NFYB: variants seen among roughly 807,000 people sequenced by gnomAD.
NFYB encodes the protein CAAT box DNA-binding protein subunit B.
NFYB carries 13 observed loss-of-function variants against 28.0 expected under a neutral mutation model. The ratio of observed to expected loss-of-function variants is 0.46; its 90% CI spans 0.30 to 0.74. The LOEUF (loss-of-function observed/expected upper bound fraction) is 0.74. NFYB is among the 30% of genes least tolerant of loss of function. NFYB has a pLI of 0.07. For missense variants in NFYB, 142 were observed against 247.6 expected, an observed-to-expected ratio of 0.57 and a Z score of 2.86; for synonymous variants, 74 against 75.0, an observed-to-expected ratio of 0.99 and a Z score of 0.07.
At chr12:104,132,360 A>G (rs564986718) in intron 2 of NFYB, among the ~76,000 whole-genome samples, 2 of 152,274 alleles carry the variant, frequency 1.3e-5, no homozygotes, top group South Asian at 4.1e-4. Flanking sequence ...TCCGGTGGAC[A>G]AGAGGAAATC....
At position 104,121,229 on chromosome 12, in the gene NFYB, A is replaced by T; in HGVS notation, c.511+11T>A. Reference sequence around the variant, plus strand: ...AACAATCTACATGACTTGTATTATAACAATGCTTACTAAATGCCTCCTCTG... The same window carrying T: ...AACAATCTACATGACTTGTATTATATCAATGCTTACTAAATGCCTCCTCTG... On this transcript the variant is annotated intron_variant, in intron 6 of 7. Transcript: ENST00000240055. The T allele has an allele frequency of 2.5e-6, 4 of 1,601,328 alleles. No individual in the cohort carries two copies. The highest frequency in any genetic ancestry group is 3.4e-6 in the Non-Finnish European group (4 of 1,170,226).
At chr12:104,123,161 G>A (rs1223925252) in intron 5 of NFYB, 65 bp downstream of exon 5, 2 of 1,260,002 alleles carry the variant, frequency 1.6e-6, no homozygotes, top group Non-Finnish European at 2.2e-6. Flanking sequence ...GGGCAACAGA[G>A]CGATACTCCA....
At position 104,126,212 on chromosome 12, in the gene NFYB, T is replaced by C; in HGVS notation, c.133A>G (p.Thr45Ala). ...CTGAAACTTTCTTTTGAACCATTTG[T>C]GTCTTCATGATCATTCATGCTGTCC... Reference protein sequence around the residue: ...TEDSMNDHEDTNGSKESFREQ... With the variant: ...TEDSMNDHEDANGSKESFREQ... The change falls in exon 4 of 8, where the codon ACA (threonine) becomes GCA (alanine). Residue 45 changes from threonine to alanine, a missense_variant. By Grantham distance (58) the Thr-to-Ala change is moderately conservative. This residue lies in a region of NFYB where 54 missense variants were observed against 58.1 expected (regional missense o/e 0.93). Coordinates refer to ENST00000240055, the MANE Select transcript of NFYB (RefSeq NM_006166.4). 6.2e-7 allele frequency: 1 copy of C among 1,604,462 alleles called. No homozygotes were observed. The highest frequency in any genetic ancestry group is 8.5e-7 in the Non-Finnish European group (1 of 1,175,834).
intron 2 of NFYB, among the ~76,000 whole-genome samples, chr12:104,129,451 C>T (rs1343640067): frequency 6.6e-6 from 1 of 152,140 alleles, no homozygotes; most frequent in Non-Finnish European, 1.5e-5. Context: ...ACAATGTCTC[C>T]GTTCAAACTG....
At chr12:104,127,558 A>T (rs1401327690) in intron 3 of NFYB, among the ~76,000 whole-genome samples, 4 of 149,584 alleles carry the variant, frequency 2.7e-5, no homozygotes, top group Non-Finnish European at 5.9e-5. Flanking sequence ...ACAGAGCAAG[A>T]CTCCATCTCA....
intron 5 of NFYB, among the ~76,000 whole-genome samples, chr12:104,122,292 C>T (rs1282770399): frequency 6.6e-6 from 1 of 152,146 alleles, no homozygotes; most frequent in Non-Finnish European, 1.5e-5. Context: ...GGGATTCAGC[C>T]TCCTGGTAGT....
chr12:104,127,960 T>C (rs1325518581), intron 3 of NFYB, among the ~76,000 whole-genome samples: 3 of 152,088 alleles, frequency 2.0e-5, no homozygotes, highest in Non-Finnish European at 2.9e-5. Flanking sequence ...GCTGGGATTA[T>C]AGGTGTGAGC....
At position 104,121,149 on chromosome 12, in the gene NFYB, TACTC is replaced by T. The variant is rs1160074466; in HGVS notation, c.511+87_511+90del. 11 of 1,002,664 alleles carry T rather than the reference TACTC, an allele frequency of 1.1e-5. No individual in the cohort carries two copies. The East Asian group carries it at 1.7e-4, about 15-fold the overall frequency. The allele number at this position is 1,002,664 out of a possible 1,614,324, so 62.1% of individuals were successfully genotyped here. On this transcript the variant is annotated intron_variant, in intron 6 of 7. Transcript: ENST00000240055. ...TATTTAAAATAGTGCTTTGTCAAAATACTCACTGCTGACATTCCAAAAATACCAT... is the reference window on the plus strand; with the variant it reads ...TATTTAAAATAGTGCTTTGTCAAAATACTGCTGACATTCCAAAAATACCAT...
At position 104,135,432 on chromosome 12, in the gene NFYB, G is replaced by T; in HGVS notation, c.6+16C>A. 1 of 1,582,590 alleles carries T rather than the reference G, an allele frequency of 6.3e-7. No individual in the cohort carries two copies. The highest frequency in any genetic ancestry group is 1.2e-5 in the South Asian group (1 of 85,264). ...TTCAAATCTAATTAACAACCAAAAT[G>T]GTAAAATATACTTACTGTCATGAAA... On this transcript the variant is annotated intron_variant, in intron 2 of 7. Transcript: ENST00000240055.
intron 5 of NFYB, among the ~76,000 whole-genome samples, chr12:104,121,965 T>G (rs1022769430): frequency 7.2e-5 from 11 of 152,238 alleles, no homozygotes; most frequent in Non-Finnish European, 1.5e-4. Context: ...TGAACTCAAC[T>G]GCTTTTCACA....
At chr12:104,126,945 G>C (rs1238681328) in intron 3 of NFYB, among the ~76,000 whole-genome samples, 1 of 152,296 alleles carries the variant, frequency 6.6e-6, no homozygotes, top group Admixed American at 6.5e-5. Context: ...GATCCAGTTG[G>C]CTTACTAATG....
In NFYB at chr12:104,137,510, C is replaced by G. The variant is rs529119428; in HGVS notation, c.-80+631G>C. The G allele has an allele frequency of 1.7e-3, 259 of 152,276 alleles. 3 individuals are homozygous for G. The highest frequency in any genetic ancestry group is 6.4e-3 in the South Asian group (31 of 4,866). 9.4% of individuals were successfully genotyped at this position (152,276 alleles called of 1,614,324 possible). A position where few individuals can be genotyped will look rare whatever the true frequency, so the allele number is the denominator to read the frequency against. On this transcript the variant is annotated intron_variant, in intron 1 of 7. Transcript: ENST00000240055. The stretch of plus-strand genomic sequence containing the variant: ...GGTGGCCCCGGCCCCACGGCCTGGT[C>G]CCGGCGACCTGTCAGCCCTGCGAGT...
chr12:104,117,587 GTAGAGACGGGGGGTTC>G lies in NFYB; in HGVS notation c.*2134_*2149del, dbSNP rs1248298191. ...ACACCCTGCTAATTTTGTATTTTTT[GTAGAGACGGGGGGTTC>G]TCCATGTTGGCCAGGCTGGTCTCAA... On this transcript the variant is annotated 3_prime_UTR_variant, in exon 8 of 8. Transcript: ENST00000240055. The G allele has an allele frequency of 6.6e-6, 1 of 152,038 alleles. No homozygotes were observed. Among genetic ancestry groups the G allele is most frequent in the Non-Finnish European group, 1.5e-5 (1 of 68,064 alleles). The allele number at this position is 152,038 out of a possible 1,614,324, so 9.4% of individuals were successfully genotyped here. A position where few individuals can be genotyped will look rare whatever the true frequency, so the allele number is the denominator to read the frequency against.
chr12:104,127,937 GC>G (rs1216086928), intron 3 of NFYB, among the ~76,000 whole-genome samples: 1 of 151,954 alleles, frequency 6.6e-6, no homozygotes, highest in African/African-American at 2.4e-5. Flanking sequence ...TGCCCACCTT[GC>G]CCTCCCAAAC....
chr12:104,137,145 G>C (rs912905843), intron 1 of NFYB, among the ~76,000 whole-genome samples: 13 of 152,134 alleles, frequency 8.5e-5, no homozygotes, highest in Non-Finnish European at 1.8e-4. Context: ...CACGAACCAC[G>C]CAACTATGGG....
chr12:104,136,285 TG>T (rs1437247169), intron 1 of NFYB, among the ~76,000 whole-genome samples: 1 of 152,102 alleles, frequency 6.6e-6, no homozygotes, highest in Non-Finnish European at 1.5e-5. Flanking sequence ...AACAATTAAA[TG>T]GGGGAGGGGT....
chr12:104,137,669 C>T lies in NFYB; in HGVS notation c.-80+472G>A, dbSNP rs551134855. The T allele has an allele frequency of 4.0e-5, 6 of 149,744 alleles. No individual in the cohort carries two copies. In the South Asian group the frequency reaches 1.2e-3, roughly 31 times the overall value. The allele number at this position is 149,744 out of a possible 1,614,324, so 9.3% of individuals were successfully genotyped here. ...ACAAAGCGCCGGGCCCCGCCACAGC[C>T]CCGCGGGCGGGAGGAGGGCGCCCCC... On this transcript the variant is annotated intron_variant, in intron 1 of 7. Coordinates refer to ENST00000240055, the MANE Select transcript of NFYB (RefSeq NM_006166.4).
intron 4 of NFYB, among the ~76,000 whole-genome samples, chr12:104,123,654 A>T (rs960692604): frequency 6.6e-6 from 1 of 152,222 alleles, no homozygotes; most frequent in Non-Finnish European, 1.5e-5. Context: ...TTACAGAAAC[A>T]AATCTAATTT....
At chr12:104,128,369 C>T in intron 3 of NFYB, 55 bp downstream of exon 3, 2 of 1,274,432 alleles carry the variant, frequency 1.6e-6, no homozygotes. Flanking sequence ...AATGAAATGT[C>T]CACTTTCTAA....
Sources: gnomAD v4.1 joint callset for allele counts (sites outside exome capture counted in the v4.1 genomes callset) on GRCh38, gnomAD v4.1.1 for gene constraint, gnomAD v4.1.1 regional missense constraint, MANE v1.5 for transcripts, NCBI Gene and HGNC (gene_info 2026-07-23, HGNC 2026-07-21) for gene names.